Variants in ZNFX1 observed in about 807,000 individuals in gnomAD.
ZNFX1 encodes the protein NFX1-type zinc finger-containing protein 1.
In ZNFX1, 78 loss-of-function variants were observed where a neutral mutation model predicts 179.8. The ratio of observed to expected loss-of-function variants is 0.43; its 90% CI spans 0.36 to 0.52. The LOEUF (loss-of-function observed/expected upper bound fraction) is 0.52, where lower values mean the gene tolerates loss of function less well. ZNFX1 is among the 20% of genes least tolerant of loss of function. The pLI, the probability that ZNFX1 is intolerant of heterozygous loss-of-function variation, is 0.00. For missense variants in ZNFX1, 1,927 were observed against 2,386.6 expected (o/e 0.81, Z 4.01); for synonymous variants, 848 against 868.5 (o/e 0.98, Z 0.42).
At chr20:49,253,643 T>C in intron 11 of ZNFX1, 23 bp downstream of exon 11, 1 of 1,613,378 alleles carries the variant, frequency 6.2e-7, no homozygotes, top group Non-Finnish European at 8.5e-7. Flanking sequence ...CCAGCCCATC[T>C]TCTAGGGGGA....
intron 8 of ZNFX1, among the ~76,000 whole-genome samples, chr20:49,256,707 C>A (rs1229036890): frequency 2.0e-5 from 3 of 152,226 alleles, no homozygotes; most frequent in Non-Finnish European, 4.4e-5. Context: ...GAATTGAGAT[C>A]ATGACTCCGC....
chr20:49,266,668 ACC>A (rs76320074), intron 3 of ZNFX1, among the ~76,000 whole-genome samples: 2 of 61,040 alleles, frequency 3.3e-5, no homozygotes, highest in African/African-American at 6.9e-5. Context: ...CATCCCCCCC[ACC>A]CCCCCCTTTC....
intron 7 of ZNFX1, among the ~76,000 whole-genome samples, chr20:49,260,145 G>A (rs1428456497): frequency 6.6e-6 from 1 of 151,932 alleles, no homozygotes; most frequent in Non-Finnish European, 1.5e-5. Flanking sequence ...TTAGCTGCGC[G>A]TGGTGGCACT....
chr20:49,249,964 A>T (rs981723667), intron 13 of ZNFX1, among the ~76,000 whole-genome samples: 8 of 152,170 alleles, frequency 5.3e-5, no homozygotes, highest in South Asian at 2.1e-4. Context: ...GTTAATATTT[A>T]AAAAAGCTGG....
chr20:49,265,007 G>A (rs1238963797), intron 4 of ZNFX1, 143 bp from the exon 5 acceptor site: 1 of 1,094,366 alleles, frequency 9.1e-7, no homozygotes, highest in South Asian at 1.5e-5. Flanking sequence ...ATTAATGAGT[G>A]AGAAGGTCCC....
In ZNFX1 at chr20:49,271,728, T is replaced by G. The variant is rs370674383; in HGVS notation, c.84A>C (p.Pro28=). The change falls in exon 3 of 14, where the codon CCA becomes CCC. Residue 28 remains proline, a synonymous_variant. Coordinates refer to ENST00000396105, the MANE Select transcript of ZNFX1 (RefSeq NM_021035.3). The part of the protein sequence containing the change: ...NHRGPVDGEL[P]PRARNQANNP... ...TATTGGCCTGATTTCTAGCTCTTGG[T>G]GGTAACTCTCCATCCACAGGGCCTA... 4.3e-6 allele frequency: 7 copies of G among 1,613,076 alleles called. No individual in the cohort carries two copies. In the South Asian group the frequency reaches 7.7e-5, roughly 18 times the overall value.
At chr20:49,276,981 G>A (rs545856636) in intron 1 of ZNFX1, among the ~76,000 whole-genome samples, 64 of 150,866 alleles carry the variant, frequency 4.2e-4, no homozygotes, top group African/African-American at 1.4e-3. Flanking sequence ...AGAAACTCCA[G>A]AAAATTTAAA....
At chr20:49,266,654 A>C (rs1981239954) in intron 3 of ZNFX1, among the ~76,000 whole-genome samples, 1 of 143,392 alleles carries the variant, frequency 7.0e-6, no homozygotes. Flanking sequence ...ACATAGGAGA[A>C]TCCCATCCCC....
chr20:49,275,181 T>C (rs577352018), intron 2 of ZNFX1, among the ~76,000 whole-genome samples: 2 of 152,254 alleles, frequency 1.3e-5, no homozygotes, highest in South Asian at 2.1e-4. Flanking sequence ...ATTGTTTCTA[T>C]TGGATGCTGC....
chr20:49,259,993 C>G (rs1357071495), intron 7 of ZNFX1, among the ~76,000 whole-genome samples: 1 of 152,234 alleles, frequency 6.6e-6, no homozygotes, highest in Non-Finnish European at 1.5e-5. Context: ...TTATATCAAA[C>G]TTTAATTGTT....
In ZNFX1 at chr20:49,255,335, G is replaced by A. The variant is rs1372742018; in HGVS notation, c.2804+473C>T. 1.3e-5 allele frequency among the ~76,000 whole-genome samples: 2 copies of A among 151,270 alleles called. 1 individual carries two copies. The highest frequency in any genetic ancestry group is 4.9e-5 in the African/African-American group (2 of 41,210). ...TAGCATTAAAGGCGTGAGCTACTGC[G>A]CCCGGCCTCTCCTACTCTTTTTTTT... is the stretch of plus-strand genomic sequence containing the variant. On this transcript the variant is annotated intron_variant, in intron 9 of 13. Transcript: ENST00000396105.
intron 5 of ZNFX1, 27 bp downstream of exon 5, chr20:49,264,689 C>T (rs1025217275): frequency 6.2e-7 from 1 of 1,612,018 alleles, no homozygotes; most frequent in Non-Finnish European, 8.5e-7. Context: ...CTTGAACTAC[C>T]CCAGATATTT....
In ZNFX1 at chr20:49,260,538, T is replaced by C. The variant is rs1981089157; in HGVS notation, c.2341A>G (p.Met781Val). ...WICFQHWKHSMMLEWLGLGVG... is the reference protein window; with the variant it reads ...WICFQHWKHSVMLEWLGLGVG... The stretch of plus-strand genomic sequence containing the variant: ...CCAAGACCTAGCCACTCCAGCATCA[T>C]GGAATGCTTCCAGTGCTGGAAGCAA... The change falls in exon 7 of 14, where the codon ATG (methionine) becomes GTG (valine). Residue 781 changes from methionine (M) to valine (V), a missense_variant. By Grantham distance (21) the Met-to-Val change is conservative (BLOSUM62 1). Transcript: ENST00000396105. The C allele has an allele frequency of 4.3e-6, 7 of 1,612,994 alleles. No homozygotes were observed. The highest frequency in any genetic ancestry group is 5.9e-6 in the Non-Finnish European group (7 of 1,179,602).
rs772546721 is a variant in ZNFX1 at position 49,271,103 on chromosome 20, G to A, written c.709C>T (p.Arg237Ter). 3 of 1,614,138 alleles carry A rather than the reference G, an allele frequency of 1.9e-6. No individual in the cohort carries two copies. Among genetic ancestry groups the A allele is most frequent in the Non-Finnish European group, 2.5e-6 (3 of 1,180,022 alleles). ...GMITEPIPDIRNQYPEHISNI... is the reference protein window; with the variant it reads ...GMITEPIPDI ...CTTATGTGCTCTGGATACTGGTTTC[G>A]GATGTCAGGGATGGGTTCAGTGATC... Residue 237 changes from arginine (R) to a stop codon, truncating the protein, a stop_gained, in exon 3 of 14, where the codon CGA becomes TGA. Transcript: ENST00000396105. LOFTEE classifies it high-confidence loss of function.
intron 6 of ZNFX1, 151 bp from the exon 7 acceptor site, chr20:49,260,728 G>A (rs962923810): frequency 9.0e-6 from 5 of 554,130 alleles, no homozygotes; most frequent in Admixed American, 6.8e-5. Flanking sequence ...GACTGCCTGA[G>A]CCCAGAAATT....
intron 3 of ZNFX1, among the ~76,000 whole-genome samples, chr20:49,267,822 C>T (rs1423524835): frequency 6.6e-6 from 1 of 151,896 alleles, no homozygotes; most frequent in Admixed American, 6.6e-5. Flanking sequence ...CTTCCCACCT[C>T]TTAAGAGGTT....
rs530863469 is a variant in ZNFX1 at position 49,272,363 on chromosome 20, G to T, written c.62-613C>A. Reference sequence around the variant, plus strand: ...GGCTAATTTTTATATTTTTAGTAGAGATGGGGTTTCACCATCTTGGCCAGG... The same window carrying T: ...GGCTAATTTTTATATTTTTAGTAGATATGGGGTTTCACCATCTTGGCCAGG... On this transcript the variant is annotated intron_variant, in intron 2 of 13. Transcript: ENST00000396105. Among the ~76,000 whole-genome samples, 4 of 152,178 alleles carry T rather than the reference G, an allele frequency of 2.6e-5. No individual in the cohort carries two copies. The East Asian group carries it at 7.7e-4, about 29-fold the overall frequency.
At position 49,270,818 on chromosome 20, in the gene ZNFX1, T is replaced by G. The variant is rs760112532; in HGVS notation, c.994A>C (p.Ser332Arg). 15 of 1,614,048 alleles carry G rather than the reference T, an allele frequency of 9.3e-6. No individual in the cohort carries two copies. The highest frequency in any genetic ancestry group is 1.3e-5 in the Non-Finnish European group (15 of 1,180,038). ...GGGTAAATGGGCATGGTTCGGTAGC[T>G]CTCAACATGGTCTTCTGCCTCAGGC... ...VQPEAEDHVE[S>R]YRTMPIYPTY... The change falls in exon 3 of 14, where the codon AGC becomes CGC. Residue 332 changes from serine to arginine, a missense_variant. Ser to Arg is a moderately radical substitution (Grantham distance 110). Coordinates refer to ENST00000396105, the MANE Select transcript of ZNFX1 (RefSeq NM_021035.3). This position sits in a 1 kb window ranked among gnomAD's most constrained non-coding sequence, Gnocchi z 4.6.
chr20:49,260,117 T>TA (rs1226012510), intron 7 of ZNFX1, among the ~76,000 whole-genome samples: 3 of 152,142 alleles, frequency 2.0e-5, no homozygotes, highest in African/African-American at 7.2e-5. Context: ...ATGTGCCTGT[T>TA]AAAAGTCTTT....
Sources: gnomAD v4.1 joint callset for allele counts (sites outside exome capture counted in the v4.1 genomes callset) on GRCh38, gnomAD v4.1.1 for gene constraint, Gnocchi (gnomAD v3.1) non-coding constraint, MANE v1.5 for transcripts, NCBI Gene and HGNC (gene_info 2026-07-23, HGNC 2026-07-21) for gene names.